Variants in MTRF1 observed in about 807,000 individuals in gnomAD.
MTRF1 encodes mitochondrial translation release factor 1.
MTRF1 carries 51 observed loss-of-function variants against 62.9 expected under a neutral mutation model. The ratio of observed to expected loss-of-function variants is 0.81; its 90% CI spans 0.65 to 1.02. The LOEUF (loss-of-function observed/expected upper bound fraction) is 1.02. MTRF1 is among the 50% of genes least tolerant of loss of function. The pLI, the probability that MTRF1 is intolerant of heterozygous loss-of-function variation, is 0.00. For synonymous variants in MTRF1, 158 were observed against 181.9 expected (o/e 0.87, Z 1.06); for missense variants, 446 against 530.0 (o/e 0.84, Z 1.56).
At chr13:41,225,866 C>A (rs149428495) in intron 8 of MTRF1, among the ~76,000 whole-genome samples, 39 of 146,000 alleles carry the variant, frequency 2.7e-4, no homozygotes, top group African/African-American at 9.4e-4. Context: ...AAAATAATGA[C>A]ATTTATTCAT....
the MTRF1 span, among the ~76,000 whole-genome samples, chr13:41,269,348 C>T: frequency 2.1e-4 from 32 of 151,308 alleles, no homozygotes; most frequent in African/African-American, 7.0e-4. Context: ...TACAGGTGTG[C>T]GCCACCACAC....
intron 2 of MTRF1, 130 bp from the exon 3 acceptor site, chr13:41,254,750 A>G: frequency 1.8e-6 from 1 of 565,088 alleles, no homozygotes; most frequent in South Asian, 3.0e-5. Flanking sequence ...ACAAAGGAAC[A>G]TTTAGAATAT....
At chr13:41,272,813 CCTT>C in the MTRF1 span, among the ~76,000 whole-genome samples, 1 of 152,014 alleles carries the variant, frequency 6.6e-6, no homozygotes, top group African/African-American at 2.4e-5. Context: ...GAAAATTTTG[CCTT>C]CTTTGTTGGA....
intron 5 of MTRF1, among the ~76,000 whole-genome samples, chr13:41,241,835 A>G (rs1321645653): frequency 1.3e-5 from 2 of 152,198 alleles, no homozygotes; most frequent in East Asian, 3.8e-4. Context: ...GGATGCAGAC[A>G]CTGGATCAGA....
In MTRF1 at chr13:41,252,994, T is replaced by C; in HGVS notation, c.544A>G (p.Lys182Glu). 1.2e-6 allele frequency: 2 copies of C among 1,608,706 alleles called. No homozygotes were observed. Among genetic ancestry groups the C allele is most frequent in the Non-Finnish European group, 1.7e-6 (2 of 1,178,210 alleles). ...GTCACCTCTAAAATAACATCATTTT[T>C]GTCATATTTCTCCTTTGGCACAAGG... The part of the protein sequence containing the change: ...QSLVPKEKYD[K>E]NDVILEVTAG... The change falls in exon 4 of 10, where the codon AAA (lysine) becomes GAA (glutamate). Residue 182 changes from lysine to glutamate, a missense_variant. Physicochemically the swap from Lys to Glu is moderately conservative, Grantham distance 56. Coordinates refer to ENST00000379480, the MANE Select transcript of MTRF1 (RefSeq NM_004294.4).
At position 41,216,562 on chromosome 13, in the gene MTRF1, T is replaced by G. The variant is rs1023698717; in HGVS notation, c.*553A>C. ...TTATGGTTTTTCTTTATGTTTTGAG[T>G]TTTTTTGTAGACATGGGGTCTATTT... On this transcript the variant is annotated 3_prime_UTR_variant, in exon 10 of 10. Coordinates refer to ENST00000379480, the MANE Select transcript of MTRF1 (RefSeq NM_004294.4). 6.6e-6 allele frequency: 1 copy of G among 152,016 alleles called. No individual in the cohort carries two copies. The highest frequency in any genetic ancestry group is 2.4e-5 in the African/African-American group (1 of 41,380). 9.4% of individuals were successfully genotyped at this position (152,016 alleles called of 1,614,324 possible).
At chr13:41,230,617 CAA>C (rs950256712) in intron 7 of MTRF1, among the ~76,000 whole-genome samples, 5 of 141,228 alleles carry the variant, frequency 3.5e-5, no homozygotes, top group Non-Finnish European at 7.7e-5. Context: ...ATAAAGGAAA[CAA>C]GAGAAAGTAT....
At chr13:41,259,865 G>A (rs41305034) in intron 2 of MTRF1, among the ~76,000 whole-genome samples, 1,733 of 152,194 alleles carry the variant, frequency 0.011, 18 homozygotes, top group Non-Finnish European at 0.019. Context: ...TAGTAGAGCA[G>A]GTCTCACATT....
rs144117702 is a variant in MTRF1, at chr13:41,223,297, C to T, written c.1183G>A (p.Val395Ile). ...IRTYNFTQDRVSDHRIAYEVR... is the reference protein window; with the variant it reads ...IRTYNFTQDRISDHRIAYEVR... Reference sequence around the variant, plus strand: ...TCATATGCTATCCTGTGGTCACTGACTCTATCCTGGGTGAAATTATATGTC... The same window carrying T: ...TCATATGCTATCCTGTGGTCACTGATTCTATCCTGGGTGAAATTATATGTC... The change falls in exon 9 of 10, where the codon GTC (valine) becomes ATC (isoleucine). Residue 395 changes from valine to isoleucine, a missense_variant. Val to Ile is a conservative substitution (Grantham distance 29). Transcript: ENST00000379480. 34 of 1,614,052 alleles carry T rather than the reference C, an allele frequency of 2.1e-5. No homozygotes were observed. In the African/African-American group the frequency reaches 4.3e-4, roughly 20 times the overall value.
intron 1 of MTRF1, 102 bp downstream of exon 1, chr13:41,263,368 ACAGCCCGCGGGGCAG>A: frequency 8.3e-7 from 1 of 1,205,990 alleles, no homozygotes; most frequent in Non-Finnish European, 1.1e-6. Context: ...GTCAGAAGCG[ACAGCCCGCGGGGCAG>A]CAGCACGGGC....
intron 5 of MTRF1, among the ~76,000 whole-genome samples, chr13:41,250,567 C>T (rs1200545408): frequency 6.6e-6 from 1 of 151,358 alleles, no homozygotes; most frequent in African/African-American, 2.4e-5. Context: ...GATCTCGACT[C>T]ACTGCAACCC....
intron 5 of MTRF1, among the ~76,000 whole-genome samples, chr13:41,249,553 A>G (rs1286910354): frequency 6.6e-6 from 1 of 151,900 alleles, no homozygotes; most frequent in Non-Finnish European, 1.5e-5. Flanking sequence ...AAAAGAAAGA[A>G]ATCAATTTTT....
chr13:41,311,674 G>T, the MTRF1 span: 10 of 1,203,808 alleles, frequency 8.3e-6, no homozygotes, highest in Non-Finnish European at 1.2e-5. Context: ...CGCGGGCCAG[G>T]CTTGGCCTCC....
intron 9 of MTRF1, among the ~76,000 whole-genome samples, chr13:41,221,787 C>T (rs755791690): frequency 3.2e-4 from 49 of 151,398 alleles, no homozygotes; most frequent in Non-Finnish European, 4.9e-4. Flanking sequence ...AAAGATATTA[C>T]TGGTCATAAG....
chr13:41,240,865 G>A (rs2037397554), intron 5 of MTRF1, among the ~76,000 whole-genome samples: 1 of 152,154 alleles, frequency 6.6e-6, no homozygotes, highest in Non-Finnish European at 1.5e-5. Flanking sequence ...ACTACCCTGT[G>A]TAGTCTTAGG....
chr13:41,278,611 A>G, the MTRF1 span, among the ~76,000 whole-genome samples: 33 of 152,280 alleles, frequency 2.2e-4, no homozygotes, highest in African/African-American at 7.9e-4. Flanking sequence ...CTAATATCCA[A>G]ACTTTTCCAC....
chr13:41,242,542 A>G (rs1240321734), intron 5 of MTRF1, among the ~76,000 whole-genome samples: 2 of 152,220 alleles, frequency 1.3e-5, no homozygotes. Flanking sequence ...AGTGGCCAGA[A>G]ATAGGAAATA....
At chr13:41,306,272 T>C in the MTRF1 span, among the ~76,000 whole-genome samples, 1 of 151,814 alleles carries the variant, frequency 6.6e-6, no homozygotes. Context: ...TAGTCCCAGC[T>C]ACTCCGGAGG....
At chr13:41,259,924 T>C (rs1281482964) in intron 2 of MTRF1, among the ~76,000 whole-genome samples, 17 of 152,096 alleles carry the variant, frequency 1.1e-4, no homozygotes, top group African/African-American at 3.6e-4. Context: ...AGAAGCCCAC[T>C]GATGGGGTAG....
Sources: allele counts gnomAD v4.1 joint callset (sites outside exome capture counted in the v4.1 genomes callset), GRCh38; gene constraint gnomAD v4.1.1; transcripts MANE v1.5; gene names NCBI Gene and HGNC (gene_info 2026-07-23, HGNC 2026-07-21).